The following INPP5A variants were observed in gnomAD, a reference collection of about 807,000 sequenced individuals.
INPP5A encodes the protein 43 kDa inositol polyphosphate 5-phophatase.
In INPP5A, 14 loss-of-function variants were observed where a neutral mutation model predicts 65.2. The observed-to-expected ratio is 0.21, with a 90% CI of 0.14 to 0.34. The LOEUF is 0.34. Ranked by LOEUF, INPP5A falls within the 10% of genes least tolerant of loss-of-function variation. The pLI, the probability that INPP5A is intolerant of heterozygous loss-of-function variation, is 1.00. For synonymous variants in INPP5A, 207 were observed against 208.3 expected (o/e 0.99, Z 0.05); for missense variants, 431 against 545.6 (o/e 0.79, Z 2.09).
chr10:132,688,335 C>G (rs928829212), intron 4 of INPP5A, among the ~76,000 whole-genome samples: 8 of 152,148 alleles, frequency 5.3e-5, no homozygotes, highest in Non-Finnish European at 1.0e-4. Context: ...CAGCCCTGCC[C>G]CCAGGACAGC....
chr10:132,568,940 G>A (rs2133280954), intron 1 of INPP5A, among the ~76,000 whole-genome samples: 1 of 144,144 alleles, frequency 6.9e-6, no homozygotes, highest in African/African-American at 2.6e-5. Context: ...TTTTGAGACG[G>A]AATCTCGCTC....
chr10:132,637,389 G>A lies in INPP5A; in HGVS notation c.118-8479G>A, dbSNP rs1160886244. 6.7e-6 allele frequency among the ~76,000 whole-genome samples: 1 copy of A among 148,548 alleles called. No individual in the cohort carries two copies. The highest frequency in any genetic ancestry group is 1.5e-5 in the Non-Finnish European group (1 of 66,446). On this transcript the variant is annotated intron_variant, in intron 2 of 15. Coordinates refer to ENST00000368594, the MANE Select transcript of INPP5A (RefSeq NM_005539.5). This position sits in a 1 kb window ranked among gnomAD's most constrained non-coding sequence, Gnocchi z 4.1. ...CCTGGGTTATAGTTTTAAATGTTAG[G>A]TGTTTCAGGTGAGTGTGTAAGTGCG... is the stretch of plus-strand genomic sequence containing the variant.
chr10:132,610,798 T>A, intron 2 of INPP5A, among the ~76,000 whole-genome samples: 1 of 152,258 alleles, frequency 6.6e-6, no homozygotes, highest in East Asian at 1.9e-4. Context: ...GTGTCTTTGC[T>A]CACTAACTGA....
intron 4 of INPP5A, among the ~76,000 whole-genome samples, chr10:132,682,022 G>A (rs980541711): frequency 6.6e-6 from 1 of 152,256 alleles, no homozygotes; most frequent in African/African-American, 2.4e-5. Context: ...GTGCCTGGTT[G>A]CCAGGGGCTG....
At chr10:132,597,468 A>G (rs190168737) in intron 1 of INPP5A, among the ~76,000 whole-genome samples, 14 of 152,342 alleles carry the variant, frequency 9.2e-5, no homozygotes, top group African/African-American at 3.4e-4. Flanking sequence ...GTGGGATAAA[A>G]TTTGAGTCAC....
chr10:132,689,341 C>T (rs978054118), intron 4 of INPP5A, among the ~76,000 whole-genome samples: 6 of 152,188 alleles, frequency 3.9e-5, no homozygotes, highest in African/African-American at 9.6e-5. Context: ...CGCCCGTGTG[C>T]CCTCCTCTCT....
chr10:132,711,900 A>G (rs1845643218), intron 8 of INPP5A, among the ~76,000 whole-genome samples: 1 of 152,140 alleles, frequency 6.6e-6, no homozygotes, highest in Non-Finnish European at 1.5e-5. Flanking sequence ...GTACCCTCTG[A>G]GCCTCTGGGA....
At chr10:132,572,500 T>C (rs562590677) in intron 1 of INPP5A, among the ~76,000 whole-genome samples, 1 of 152,128 alleles carries the variant, frequency 6.6e-6, no homozygotes, top group Non-Finnish European at 1.5e-5. Context: ...CGCCCGGGGC[T>C]GCTTTCCCTG....
rs2072486973 is a variant in INPP5A at position 132,645,880 on chromosome 10, C to T, written c.130C>T (p.His44Tyr). 1.2e-6 allele frequency: 2 copies of T among 1,613,656 alleles called. No individual in the cohort carries two copies. Among genetic ancestry groups the T allele is most frequent in the Non-Finnish European group, 1.7e-6 (2 of 1,179,738 alleles). ...TCTCTCCCTCCAGGTCGTGCACACA[C>T]ACAAGCCGCACTTCATGGCCTTGCA... ...LREFYQVVHT[H>Y]KPHFMALHCQ... Residue 44 changes from histidine to tyrosine, a missense_variant, in exon 3 of 16, where the codon CAC becomes TAC. Physicochemically the swap from His to Tyr is moderately conservative, Grantham distance 83. Transcript: ENST00000368594.
In INPP5A at chr10:132,727,003, C is replaced by T; in HGVS notation, c.732+98C>T. On this transcript the variant is annotated intron_variant, in intron 9 of 15. Transcript: ENST00000368594. This position sits in a 1 kb window ranked among gnomAD's most constrained non-coding sequence, Gnocchi z 6.5. ...GGCCCCTTACTGGCACTTTCAATGC[C>T]ATCCGCCTCCCGGGATGCACTTTTT... The T allele has an allele frequency of 1.4e-6, 1 of 733,486 alleles. No individual in the cohort carries two copies. Among genetic ancestry groups the T allele is most frequent in the Non-Finnish European group, 2.2e-6 (1 of 458,332 alleles). The allele number at this position is 733,486 out of a possible 1,614,324, so 45.4% of individuals were successfully genotyped here. A position where few individuals can be genotyped will look rare whatever the true frequency, so the allele number is the denominator to read the frequency against.
At chr10:132,708,121 C>T (rs1039675157) in intron 6 of INPP5A, among the ~76,000 whole-genome samples, 192 bp from the exon 7 acceptor site, 3 of 152,210 alleles carry the variant, frequency 2.0e-5, no homozygotes, top group South Asian at 2.1e-4. Flanking sequence ...CCCCTGCAGG[C>T]ATCTCTGTGC....
intron 9 of INPP5A, among the ~76,000 whole-genome samples, chr10:132,743,165 T>C (rs71503752): frequency 0.077 from 6,317 of 82,246 alleles, 254 homozygotes; most frequent in Middle Eastern, 0.13. Flanking sequence ...CAGCAGGGAC[T>C]GGGCCCGGGA....
intron 1 of INPP5A, among the ~76,000 whole-genome samples, chr10:132,580,481 G>C (rs547795608): frequency 1.3e-5 from 2 of 152,326 alleles, no homozygotes; most frequent in East Asian, 3.9e-4. Flanking sequence ...CTGTGAGTCA[G>C]TGCAACCTCT....
intron 8 of INPP5A, among the ~76,000 whole-genome samples, chr10:132,717,544 G>C (rs1484706088): frequency 1.3e-5 from 2 of 151,452 alleles, no homozygotes; most frequent in Non-Finnish European, 1.5e-5. Context: ...TCAGGGTTCT[G>C]TGGTACCTGG....
At chr10:132,711,656 G>A (rs1026131144) in intron 8 of INPP5A, among the ~76,000 whole-genome samples, 8 of 152,216 alleles carry the variant, frequency 5.3e-5, no homozygotes, top group Admixed American at 1.3e-4. Context: ...CCTGCGCCTC[G>A]CCCACCTTCC....
chr10:132,567,809 A>G (rs1264294069), intron 1 of INPP5A, among the ~76,000 whole-genome samples: 1 of 152,334 alleles, frequency 6.6e-6, no homozygotes, highest in Non-Finnish European at 1.5e-5. Context: ...AAAAGATTTA[A>G]TGTGAATTAT....
rs940225547 is a variant in INPP5A at position 132,678,554 on chromosome 10, C to T, written c.307-11838C>T. Among the ~76,000 whole-genome samples, 5 of 152,082 alleles carry T rather than the reference C, an allele frequency of 3.3e-5. No individual in the cohort carries two copies. Among genetic ancestry groups the T allele is most frequent in the Admixed American group, 2.0e-4 (3 of 15,272 alleles). On this transcript the variant is annotated intron_variant, in intron 4 of 15. Transcript: ENST00000368594. The surrounding 1 kb of genome is among the most constrained non-coding windows in gnomAD (Gnocchi z 4.1). ...GACCTGAGCTGAGGGTTCTGTCCAG[C>T]GGTCCTGAGCTGCTGCTGCTCAGCC...
intron 1 of INPP5A, among the ~76,000 whole-genome samples, chr10:132,563,352 G>A (rs1474204695): frequency 1.3e-5 from 2 of 152,168 alleles, no homozygotes; most frequent in Non-Finnish European, 2.9e-5. Flanking sequence ...ATAGCACAGC[G>A]TCTGCCGGGT....
At chr10:132,636,435 G>A (rs1447465021) in intron 2 of INPP5A, among the ~76,000 whole-genome samples, 1 of 152,170 alleles carries the variant, frequency 6.6e-6, no homozygotes, top group Non-Finnish European at 1.5e-5. Context: ...AAACAGCCAC[G>A]TCACAAAACT....
Sources: gnomAD v4.1 joint callset for allele counts (sites outside exome capture counted in the v4.1 genomes callset) on GRCh38, gnomAD v4.1.1 for gene constraint, Gnocchi (gnomAD v3.1) non-coding constraint, MANE v1.5 for transcripts, NCBI Gene and HGNC (gene_info 2026-07-23, HGNC 2026-07-21) for gene names.